The following KCND2 variants were observed in gnomAD, a reference collection of about 807,000 sequenced individuals.
The protein encoded by KCND2 is A-type voltage-gated potassium channel KCND2.
KCND2 carries 16 observed loss-of-function variants against 54.4 expected under a neutral mutation model. The ratio of observed to expected loss-of-function variants is 0.29; its 90% CI spans 0.20 to 0.45. The LOEUF (loss-of-function observed/expected upper bound fraction) is 0.45, where lower values mean the gene tolerates loss of function less well. Ranked by LOEUF, KCND2 falls within the 20% of genes least tolerant of loss-of-function variation. KCND2 has a pLI of 1.00. For missense variants in KCND2, 486 were observed against 824.2 expected (o/e 0.59, Z 5.02); for synonymous variants, 317 against 310.7 (o/e 1.02, Z -0.21).
At chr7:120,337,960 C>T (rs576196570) in intron 1 of KCND2, among the ~76,000 whole-genome samples, 1 of 152,218 alleles carries the variant, frequency 6.6e-6, no homozygotes, top group East Asian at 1.9e-4. Flanking sequence ...AAAAGTCAAG[C>T]TGTTTTACAT....
chr7:120,345,580 A>C (rs1800305467), intron 1 of KCND2, among the ~76,000 whole-genome samples: 1 of 152,026 alleles, frequency 6.6e-6, no homozygotes, highest in African/African-American at 2.4e-5. Context: ...CCACCATTCC[A>C]CTTTTTCTGT....
chr7:120,517,032 A>G (rs1365692373), intron 1 of KCND2, among the ~76,000 whole-genome samples: 1 of 152,178 alleles, frequency 6.6e-6, no homozygotes, highest in African/African-American at 2.4e-5. Flanking sequence ...AAATAATTTT[A>G]TGTTCAGCAT....
chr7:120,477,171 T>C (rs540356842), intron 1 of KCND2, among the ~76,000 whole-genome samples: 1 of 152,348 alleles, frequency 6.6e-6, no homozygotes, highest in South Asian at 2.1e-4. Flanking sequence ...ACTGTATGCT[T>C]ACTATGCACT....
chr7:120,623,377 G>A (rs958193299), intron 1 of KCND2, among the ~76,000 whole-genome samples: 1 of 152,118 alleles, frequency 6.6e-6, no homozygotes, highest in Non-Finnish European at 1.5e-5. Context: ...CTTCTCTTAT[G>A]ACGCTTACAT....
chr7:120,734,333 G>A lies in KCND2; in HGVS notation c.1278+1268G>A, dbSNP rs139647970. On this transcript the variant is annotated intron_variant, in intron 2 of 5. Coordinates refer to ENST00000331113, the MANE Select transcript of KCND2 (RefSeq NM_012281.3). ...GGCTAAACTTAAAATATGTAAGGAG[G>A]CAACTTTAGGCTAAACTTGAGTCAA... Among the ~76,000 whole-genome samples, 483 of 152,124 alleles carry A rather than the reference G, an allele frequency of 3.2e-3. 2 individuals are homozygous for A. Among genetic ancestry groups the A allele is most frequent in the African/African-American group, 0.011 (457 of 41,500 alleles).
At chr7:120,425,900 A>G (rs1176645675) in intron 1 of KCND2, among the ~76,000 whole-genome samples, 2 of 149,430 alleles carry the variant, frequency 1.3e-5, no homozygotes, top group Admixed American at 6.7e-5. Context: ...GGATTCTTCT[A>G]CTTTCCTCTT....
intron 1 of KCND2, among the ~76,000 whole-genome samples, chr7:120,332,820 CAGAG>C (rs946108347): frequency 2.0e-5 from 3 of 152,060 alleles, no homozygotes; most frequent in South Asian, 4.1e-4. Flanking sequence ...TTATACAGCC[CAGAG>C]AGTCAACAAT....
intron 1 of KCND2, among the ~76,000 whole-genome samples, chr7:120,425,041 A>G (rs1243830056): frequency 2.0e-5 from 3 of 152,238 alleles, no homozygotes; most frequent in African/African-American, 7.2e-5. Context: ...AAACTTCAGA[A>G]TCATTTCTCT....
At chr7:120,550,135 C>T (rs1169615967) in intron 1 of KCND2, among the ~76,000 whole-genome samples, 1 of 151,974 alleles carries the variant, frequency 6.6e-6, no homozygotes, top group Non-Finnish European at 1.5e-5. Context: ...CCCCACTCCA[C>T]GCCATAACCA....
chr7:120,642,172 C>T (rs1793384389), intron 1 of KCND2, among the ~76,000 whole-genome samples: 1 of 152,068 alleles, frequency 6.6e-6, no homozygotes, highest in Non-Finnish European at 1.5e-5. Context: ...ATCCCAGAAT[C>T]AAATATATTG....
intron 1 of KCND2, among the ~76,000 whole-genome samples, chr7:120,729,734 G>A (rs1249388834): frequency 6.6e-6 from 1 of 152,178 alleles, no homozygotes; most frequent in Non-Finnish European, 1.5e-5. Flanking sequence ...TTGCAGTCCT[G>A]CCCAGTCCTT....
Position 120,307,268 on chromosome 7 carries a change from GTATT to G in KCND2, c.1115+31531_1115+31534del, listed in dbSNP as rs1275330999. The stretch of plus-strand genomic sequence containing the variant: ...GGGAATAATAACTAGTATTTTTCTA[GTATT>G]TATTTATTTTTTCAGTGAGGGGAAT... On this transcript the variant is annotated intron_variant, in intron 1 of 5. Transcript: ENST00000331113. Among the ~76,000 whole-genome samples the G allele has an allele frequency of 7.2e-5, 11 of 151,906 alleles. No homozygotes were observed. In the South Asian group the frequency reaches 1.9e-3, roughly 26 times the overall value.
chr7:120,611,053 A>G (rs1251146564), intron 1 of KCND2, among the ~76,000 whole-genome samples: 1 of 152,150 alleles, frequency 6.6e-6, no homozygotes, highest in Non-Finnish European at 1.5e-5. Context: ...TTAAGGGAGG[A>G]TAATTGCTTA....
intron 1 of KCND2, among the ~76,000 whole-genome samples, chr7:120,705,680 G>A (rs866725494): frequency 1.3e-5 from 2 of 152,088 alleles, no homozygotes; most frequent in Admixed American, 1.3e-4. Flanking sequence ...GGATTTTCCT[G>A]GTTGCCAGGA....
rs576223780 is a variant in KCND2, at chr7:120,296,069, A to G, written c.1115+20322A>G. On this transcript the variant is annotated intron_variant, in intron 1 of 5. Transcript: ENST00000331113. The stretch of plus-strand genomic sequence containing the variant: ...CAAAAATGTGAACACTTTCTAATGT[A>G]TAGTATTACATATTTAAATATGTTT... 2.0e-5 allele frequency among the ~76,000 whole-genome samples: 3 copies of G among 152,258 alleles called. No individual in the cohort carries two copies. The East Asian group carries it at 5.8e-4, about 29-fold the overall frequency.
chr7:120,339,893 T>C (rs1800216417), intron 1 of KCND2, among the ~76,000 whole-genome samples: 1 of 152,126 alleles, frequency 6.6e-6, no homozygotes, highest in Non-Finnish European at 1.5e-5. Flanking sequence ...AGGACAACAC[T>C]CTTAAGGACT....
At chr7:120,306,485 A>T (rs1799652683) in intron 1 of KCND2, among the ~76,000 whole-genome samples, 1 of 152,082 alleles carries the variant, frequency 6.6e-6, no homozygotes, top group East Asian at 1.9e-4. Flanking sequence ...GAAACAAAAC[A>T]AGTTGGAATA....
chr7:120,522,508 G>C (rs1458727440), intron 1 of KCND2, among the ~76,000 whole-genome samples: 1 of 152,118 alleles, frequency 6.6e-6, no homozygotes, highest in Non-Finnish European at 1.5e-5. Flanking sequence ...GGGTAAACAA[G>C]ACTTCTCACA....
chr7:120,291,998 A>C (rs1308967993), intron 1 of KCND2, among the ~76,000 whole-genome samples: 1 of 151,844 alleles, frequency 6.6e-6, no homozygotes, highest in Non-Finnish European at 1.5e-5. Context: ...GCTGATTTCT[A>C]TACCTGTTGT....
Sources: gnomAD v4.1 joint callset for allele counts (sites outside exome capture counted in the v4.1 genomes callset) on GRCh38, gnomAD v4.1.1 for gene constraint, MANE v1.5 for transcripts, NCBI Gene and HGNC (gene_info 2026-07-23, HGNC 2026-07-21) for gene names.